The following DLG2 variants were observed in gnomAD, a reference collection of about 807,000 sequenced individuals.
The protein encoded by DLG2 is discs large MAGUK scaffold protein 2.
Under a neutral mutation model 132.5 loss-of-function variants are expected in DLG2, and 45 were observed. The observed-to-expected ratio is 0.34, with a 90% CI of 0.27 to 0.44. The LOEUF (loss-of-function observed/expected upper bound fraction) is 0.44. Among genes scored for constraint, DLG2 ranks in the 20% least tolerant of loss-of-function variants. DLG2 has a pLI of 1.00. For synonymous variants in DLG2, 424 were observed against 419.6 expected (o/e 1.01, Z -0.13); for missense variants, 1,045 against 1,196.9 (o/e 0.87, Z 1.87).
At chr11:85,411,249 A>T (rs1455886664) in intron 3 of DLG2, among the ~76,000 whole-genome samples, 1 of 151,818 alleles carries the variant, frequency 6.6e-6, no homozygotes, top group Non-Finnish European at 1.5e-5. Flanking sequence ...TTAAAAGTAA[A>T]AGAAAAATAA....
intron 19 of DLG2, among the ~76,000 whole-genome samples, chr11:83,545,713 C>T (rs991647583): frequency 2.6e-5 from 4 of 152,120 alleles, no homozygotes; most frequent in Non-Finnish European, 5.9e-5. Context: ...CTGTTAGCTG[C>T]AGGTGTCCTT....
intron 18 of DLG2, among the ~76,000 whole-genome samples, chr11:83,649,772 G>A (rs2069482872): frequency 6.6e-6 from 1 of 152,054 alleles, no homozygotes; most frequent in Non-Finnish European, 1.5e-5. Flanking sequence ...TAGGAGGAAG[G>A]GAGGCATAAG....
intron 18 of DLG2, among the ~76,000 whole-genome samples, chr11:83,776,142 A>G (rs1360846534): frequency 6.6e-6 from 1 of 152,066 alleles, no homozygotes; most frequent in Non-Finnish European, 1.5e-5. Context: ...TGAATAAAAC[A>G]TGCTTTTCTG....
At chr11:85,599,371 C>T (rs1230056285) in intron 2 of DLG2, among the ~76,000 whole-genome samples, 2 of 150,760 alleles carry the variant, frequency 1.3e-5, no homozygotes, top group Non-Finnish European at 3.0e-5. Context: ...TCTCTCTCTA[C>T]TTTTTCTCAC....
intron 9 of DLG2, among the ~76,000 whole-genome samples, chr11:84,126,204 C>A (rs2094163755): frequency 6.6e-6 from 1 of 152,014 alleles, no homozygotes; most frequent in South Asian, 2.1e-4. Flanking sequence ...AGAAATGCAG[C>A]CACGAAGGGT....
chr11:85,265,922 A>T (rs1410294868), intron 4 of DLG2, among the ~76,000 whole-genome samples: 1 of 152,124 alleles, frequency 6.6e-6, no homozygotes, highest in Non-Finnish European at 1.5e-5. Flanking sequence ...AATTCTCCCC[A>T]TTCACCATCC....
intron 7 of DLG2, among the ~76,000 whole-genome samples, chr11:84,287,700 T>C (rs1033525499): frequency 2.7e-5 from 4 of 150,726 alleles, no homozygotes; most frequent in African/African-American, 9.8e-5. Flanking sequence ...TCCTTACTTC[T>C]ACCTCTCTCC....
chr11:84,075,203 C>T (rs1479596320), intron 10 of DLG2, among the ~76,000 whole-genome samples: 1 of 152,196 alleles, frequency 6.6e-6, no homozygotes, highest in Non-Finnish European at 1.5e-5. Context: ...TGCCACCAGG[C>T]ATTCATCACT....
intron 6 of DLG2, among the ~76,000 whole-genome samples, chr11:84,706,142 C>T (rs1203409653): frequency 6.6e-6 from 1 of 151,784 alleles, no homozygotes; most frequent in Non-Finnish European, 1.5e-5. Flanking sequence ...GGCTTCCCTC[C>T]TTGGATAGCG....
rs150653013 is a variant in DLG2 at position 83,533,604 on chromosome 11, G to A, written c.2118-821C>T. 2.6e-5 allele frequency among the ~76,000 whole-genome samples: 4 copies of A among 152,272 alleles called. No individual in the cohort carries two copies. In the East Asian group the frequency reaches 7.7e-4, roughly 29 times the overall value. ...GTATCTGAGATTGAAGGATTAGAAA[G>A]AGTTTGTCAGTAGGGAAATTTCAGG... On this transcript the variant is annotated intron_variant, in intron 20 of 27. Transcript: ENST00000376104.
rs141383866 is a variant in DLG2 at position 85,037,782 on chromosome 11, G to A, written c.357+73879C>T. Among the ~76,000 whole-genome samples, 103 of 152,122 alleles carry A rather than the reference G, an allele frequency of 6.8e-4. 2 individuals carry two copies. In the East Asian group the frequency reaches 0.019, roughly 28 times the overall value. ...ATCTTAAAATTAACCTAAATGTAGGGGTGGGAAGAGACAGTTTCTAAAATA... is the reference window on the plus strand; with the variant it reads ...ATCTTAAAATTAACCTAAATGTAGGAGTGGGAAGAGACAGTTTCTAAAATA... On this transcript the variant is annotated intron_variant, in intron 6 of 27. Transcript: ENST00000376104.
intron 6 of DLG2, among the ~76,000 whole-genome samples, chr11:84,869,814 A>G (rs1040543789): frequency 6.6e-6 from 1 of 152,236 alleles, no homozygotes; most frequent in Non-Finnish European, 1.5e-5. Flanking sequence ...GTTGGTAATA[A>G]ACCTAAATAA....
intron 16 of DLG2, among the ~76,000 whole-genome samples, chr11:83,838,294 T>G (rs762038416): frequency 4.7e-4 from 72 of 152,196 alleles, no homozygotes; most frequent in Non-Finnish European, 8.7e-4. Context: ...AGTACACGGA[T>G]GTTCATTGTA....
Position 85,289,610 on chromosome 11 carries a change from T to G in DLG2, c.41-4245A>C, listed in dbSNP as rs79829693. On this transcript the variant is annotated intron_variant, in intron 3 of 27. Transcript: ENST00000376104. ...GCTTCAACAAACAGATGGTAAAATG[T>G]GTTAAAACATACGCCTATGCTTCTT... Among the ~76,000 whole-genome samples, 343 of 152,290 alleles carry G rather than the reference T, an allele frequency of 2.3e-3. 1 individual carries two copies. Among genetic ancestry groups the G allele is most frequent in the East Asian group, 0.016 (81 of 5,180 alleles).
At chr11:84,019,936 CT>C (rs1759942095) in intron 11 of DLG2, among the ~76,000 whole-genome samples, 1 of 152,110 alleles carries the variant, frequency 6.6e-6, no homozygotes, top group Non-Finnish European at 1.5e-5. Flanking sequence ...ATTTGTGGTA[CT>C]TTGTTATGGC....
chr11:85,165,448 C>A (rs61368496), intron 4 of DLG2, among the ~76,000 whole-genome samples: 7,655 of 152,226 alleles, frequency 0.05, 271 homozygotes, highest in East Asian at 0.095. Context: ...AGATTCACAG[C>A]AACCCATTAG....
chr11:85,401,090 T>C (rs535775431), intron 3 of DLG2, among the ~76,000 whole-genome samples: 19 of 152,068 alleles, frequency 1.2e-4, no homozygotes, highest in Non-Finnish European at 2.2e-4. Context: ...AAATCCTCTA[T>C]AAAATACTGG....
chr11:84,335,971 C>T (rs2098482760), intron 7 of DLG2, among the ~76,000 whole-genome samples: 1 of 152,090 alleles, frequency 6.6e-6, no homozygotes, highest in Non-Finnish European at 1.5e-5. Context: ...ATACTAGCCC[C>T]ACCAATATAA....
At chr11:84,764,116 C>T (rs572054611) in intron 6 of DLG2, among the ~76,000 whole-genome samples, 2 of 152,114 alleles carry the variant, frequency 1.3e-5, no homozygotes, top group Non-Finnish European at 2.9e-5. Context: ...TTGGCTCCCA[C>T]TAGAGATACT....
Sources: gnomAD v4.1 joint callset for allele counts (sites outside exome capture counted in the v4.1 genomes callset) on GRCh38, gnomAD v4.1.1 for gene constraint, MANE v1.5 for transcripts, NCBI Gene and HGNC (gene_info 2026-07-23, HGNC 2026-07-21) for gene names.